The following TLL1 variants were observed in gnomAD, a reference collection of about 807,000 sequenced individuals.
TLL1 encodes tolloid like 1.
A neutral mutation model predicts 128.2 loss-of-function variants in TLL1; 49 were observed. The ratio of observed to expected loss-of-function variants is 0.38; its 90% CI spans 0.30 to 0.48. The LOEUF (loss-of-function observed/expected upper bound fraction) is 0.48, where lower values mean the gene tolerates loss of function less well. Among genes scored for constraint, TLL1 ranks in the 20% least tolerant of loss-of-function variants. The pLI, the probability that TLL1 is intolerant of heterozygous loss-of-function variation, is 0.96. For missense variants in TLL1, 1,123 were observed against 1,242.0 expected (o/e 0.90, Z 1.44); for synonymous variants, 454 against 418.8 (o/e 1.08, Z -1.03).
chr4:166,002,620 T>G (rs1487115042), intron 5 of TLL1, among the ~76,000 whole-genome samples: 1 of 151,984 alleles, frequency 6.6e-6, no homozygotes. Flanking sequence ...AATTTTTGAA[T>G]TTTTTGTAGA....
In TLL1 at chr4:166,091,347, C is replaced by G. The variant is rs1331946338; in HGVS notation, c.2656+6C>G. The G allele has an allele frequency of 1.2e-6, 2 of 1,611,088 alleles. No homozygotes were observed. Among genetic ancestry groups the G allele is most frequent in the Non-Finnish European group, 1.7e-6 (2 of 1,178,194 alleles). ...TCAAGCTACACATTCTACAGGTCAG[C>G]AAATTCAAGTCATGCTTCTCTTTTT... On this transcript the variant is annotated splice_donor_region_variant and intron_variant, in intron 19 of 20. Transcript: ENST00000061240.
chr4:165,954,839 A>G (rs906318221), intron 1 of TLL1, among the ~76,000 whole-genome samples: 3 of 152,170 alleles, frequency 2.0e-5, no homozygotes, highest in African/African-American at 7.2e-5. Context: ...ATAAAGGAAC[A>G]TCAGCCCTCT....
Position 166,046,700 on chromosome 4 carries a change from T to G in TLL1, c.1524+3281T>G, listed in dbSNP as rs189494361. The stretch of plus-strand genomic sequence containing the variant: ...TATCTTCGTTCAGACATGTATGGTG[T>G]ATATATAGGGCTGTTGGGTAAGAGT... On this transcript the variant is annotated intron_variant, in intron 12 of 20. Coordinates refer to ENST00000061240, the MANE Select transcript of TLL1 (RefSeq NM_012464.5). Among the ~76,000 whole-genome samples, 9 of 152,300 alleles carry G rather than the reference T, an allele frequency of 5.9e-5. No homozygotes were observed. The East Asian group carries it at 1.7e-3, about 29-fold the overall frequency.
intron 9 of TLL1, among the ~76,000 whole-genome samples, chr4:166,032,957 T>C (rs1473373801): frequency 1.3e-5 from 2 of 152,146 alleles, no homozygotes; most frequent in Non-Finnish European, 2.9e-5. Context: ...GAAGTATCAA[T>C]GCAAGTAGAT....
intron 12 of TLL1, among the ~76,000 whole-genome samples, chr4:166,047,573 C>T (rs1250765744): frequency 6.6e-6 from 1 of 150,836 alleles, no homozygotes; most frequent in Non-Finnish European, 1.5e-5. Flanking sequence ...GTCCATCATG[C>T]TGTTGAAATC....
At chr4:166,063,211 A>C (rs1209057262) in intron 15 of TLL1, among the ~76,000 whole-genome samples, 1 of 152,214 alleles carries the variant, frequency 6.6e-6, no homozygotes, top group Admixed American at 6.5e-5. Context: ...AAAGGAAGAC[A>C]TTTATGCAGC....
At chr4:166,044,677 G>A (rs574959703) in intron 12 of TLL1, among the ~76,000 whole-genome samples, 28 of 151,752 alleles carry the variant, frequency 1.8e-4, no homozygotes, top group African/African-American at 6.3e-4. Context: ...CAAATAGACC[G>A]GTTTATTGTT....
At chr4:166,031,118 GTT>G (rs1324880473) in intron 9 of TLL1, among the ~76,000 whole-genome samples, 1 of 152,022 alleles carries the variant, frequency 6.6e-6, no homozygotes, top group Non-Finnish European at 1.5e-5. Context: ...TCTGAAGGCA[GTT>G]TTCCCAAATT....
intron 1 of TLL1, among the ~76,000 whole-genome samples, chr4:165,932,028 A>C (rs571074650): frequency 1.3e-5 from 2 of 152,274 alleles, no homozygotes; most frequent in Admixed American, 6.5e-5. Flanking sequence ...GTAGGTGATA[A>C]GCAGATGTTT....
intron 6 of TLL1, among the ~76,000 whole-genome samples, chr4:166,004,136 T>C (rs550554170): frequency 7.9e-5 from 12 of 152,098 alleles, no homozygotes; most frequent in Non-Finnish European, 1.6e-4. Flanking sequence ...AAATATAATT[T>C]CTACTTAAAA....
rs1030716409 is a variant in TLL1 at position 166,083,172 on chromosome 4, C to G, written c.2442+5142C>G. 4.0e-4 allele frequency among the ~76,000 whole-genome samples: 26 copies of G among 65,082 alleles called. 2 individuals carry two copies. The highest frequency in any genetic ancestry group is 8.1e-4 in the African/African-American group (26 of 32,030). The allele number at this position is 65,082 out of a possible 152,430, so 42.7% of individuals were successfully genotyped here. ...GTCCCTATGTATACAGTGGAACTTT[C>G]TTCACAGTTCATGGATTGATACCCC... is the stretch of plus-strand genomic sequence containing the variant. On this transcript the variant is annotated intron_variant, in intron 18 of 20. Transcript: ENST00000061240.
intron 18 of TLL1, among the ~76,000 whole-genome samples, chr4:166,087,428 C>T (rs183955722): frequency 2.6e-4 from 39 of 152,152 alleles, no homozygotes; most frequent in African/African-American, 8.2e-4. Flanking sequence ...TACTCCATGA[C>T]GCCATTTTTT....
chr4:166,089,603 C>T (rs1422313240), intron 18 of TLL1, among the ~76,000 whole-genome samples: 2 of 152,058 alleles, frequency 1.3e-5, no homozygotes, highest in Non-Finnish European at 2.9e-5. Flanking sequence ...ACTGATGTCT[C>T]CTTGTTCACT....
chr4:165,894,126 T>TGTATA (rs765283272), intron 1 of TLL1, among the ~76,000 whole-genome samples: 44 of 152,040 alleles, frequency 2.9e-4, no homozygotes, highest in Non-Finnish European at 5.4e-4. Context: ...GGGAGGACAA[T>TGTATA]GTATAGAATA....
intron 10 of TLL1, 110 bp downstream of exon 10, chr4:166,039,551 C>A (rs1276053347): frequency 9.1e-6 from 7 of 766,092 alleles, no homozygotes; most frequent in South Asian, 1.5e-5. Flanking sequence ...GTGTGACTAA[C>A]ATTATTTTTA....
At chr4:166,068,323 G>A (rs535898600) in intron 16 of TLL1, among the ~76,000 whole-genome samples, 1 of 151,844 alleles carries the variant, frequency 6.6e-6, no homozygotes, top group East Asian at 1.9e-4. Context: ...ATGATCTTAT[G>A]AAGTCATAAT....
chr4:165,926,996 A>C (rs1733303709), intron 1 of TLL1, among the ~76,000 whole-genome samples: 2 of 152,202 alleles, frequency 1.3e-5, no homozygotes, highest in Non-Finnish European at 2.9e-5. Flanking sequence ...GCCATTGACT[A>C]TTTATGTTTG....
chr4:166,063,052 T>A (rs1166786235), intron 15 of TLL1, among the ~76,000 whole-genome samples: 3 of 152,040 alleles, frequency 2.0e-5, no homozygotes, highest in Non-Finnish European at 2.9e-5. Context: ...AGTGAACAGG[T>A]AACCTACAGA....
Position 166,005,626 on chromosome 4 carries a change from C to T in TLL1, c.811+2057C>T, listed in dbSNP as rs369051120. ...AATGAATGAGCCGACTATCAAGATT[C>T]GTCCTATATACCACTAGGAGGGAAA... On this transcript the variant is annotated intron_variant, in intron 6 of 20. Coordinates refer to ENST00000061240, the MANE Select transcript of TLL1 (RefSeq NM_012464.5). Among the ~76,000 whole-genome samples the T allele has an allele frequency of 2.6e-5, 4 of 151,838 alleles. No homozygotes were observed. The East Asian group carries it at 5.8e-4, about 22-fold the overall frequency.
Sources: allele counts gnomAD v4.1 joint callset (sites outside exome capture counted in the v4.1 genomes callset), GRCh38; gene constraint gnomAD v4.1.1; transcripts MANE v1.5; gene names NCBI Gene and HGNC (gene_info 2026-07-23, HGNC 2026-07-21).